The following ABTB3 variants were observed in gnomAD, a reference collection of about 807,000 sequenced individuals.
ABTB3 encodes ankyrin repeat- and BTB/POZ domain-containing protein 3.
the ABTB3 span, among the ~76,000 whole-genome samples, chr12:107,350,251 G>T: frequency 6.6e-6 from 1 of 152,076 alleles, no homozygotes; most frequent in African/African-American, 2.4e-5. Context: ...CAGATAAAAT[G>T]GTAAGAGTTC....
chr12:107,646,332 G>C, the ABTB3 span, among the ~76,000 whole-genome samples: 1 of 152,250 alleles, frequency 6.6e-6, no homozygotes, highest in African/African-American at 2.4e-5. Flanking sequence ...AGTCCACTAA[G>C]GAGCAGCGTT....
chr12:107,455,283 A>G, the ABTB3 span, among the ~76,000 whole-genome samples: 1 of 152,184 alleles, frequency 6.6e-6, no homozygotes. Flanking sequence ...TTCTAAAGAA[A>G]TACTTTAACA....
the ABTB3 span, among the ~76,000 whole-genome samples, chr12:107,464,203 A>T: frequency 7.3e-6 from 1 of 136,552 alleles, no homozygotes; most frequent in African/African-American, 2.8e-5. Context: ...GAAACATGTG[A>T]AGAGTGTGTG....
At chr12:107,482,558 A>T in the ABTB3 span, among the ~76,000 whole-genome samples, 4 of 152,164 alleles carry the variant, frequency 2.6e-5, no homozygotes, top group Admixed American at 1.3e-4. Flanking sequence ...AAAGCCATTT[A>T]CTGCCCTCTT....
the ABTB3 span, among the ~76,000 whole-genome samples, chr12:107,322,621 G>A: frequency 6.7e-6 from 1 of 149,060 alleles, no homozygotes; most frequent in Non-Finnish European, 1.5e-5. Flanking sequence ...TACAGTTGCC[G>A]AATTCTAGGG....
At chr12:107,526,588 C>T in the ABTB3 span, among the ~76,000 whole-genome samples, 1 of 152,084 alleles carries the variant, frequency 6.6e-6, no homozygotes, top group African/African-American at 2.4e-5. Context: ...CCCAGTTAAA[C>T]CCCCAGCTGA....
At chr12:107,544,680 C>G in the ABTB3 span, among the ~76,000 whole-genome samples, 1 of 152,276 alleles carries the variant, frequency 6.6e-6, no homozygotes, top group African/African-American at 2.4e-5. Context: ...GTCTGCCTCC[C>G]CACTTCCTTT....
chr12:107,363,434 T>C, the ABTB3 span, among the ~76,000 whole-genome samples: 88 of 152,350 alleles, frequency 5.8e-4, no homozygotes, highest in Middle Eastern at 3.4e-3. Context: ...ACAATGAATC[T>C]GTTAAAGAAA....
the ABTB3 span, among the ~76,000 whole-genome samples, chr12:107,518,753 AT>A: frequency 6.6e-6 from 1 of 152,190 alleles, no homozygotes; most frequent in Non-Finnish European, 1.5e-5. Context: ...AAGTATAATA[AT>A]AAAAAATAAA....
chr12:107,617,517 T>C, the ABTB3 span: 4 of 1,541,876 alleles, frequency 2.6e-6, no homozygotes, highest in Non-Finnish European at 3.5e-6. Flanking sequence ...CCCAGACCCA[T>C]TGTCTCTCTG....
the ABTB3 span, among the ~76,000 whole-genome samples, chr12:107,542,364 G>T: frequency 4.6e-5 from 7 of 151,112 alleles, no homozygotes; most frequent in African/African-American, 1.5e-4. Flanking sequence ...GTCTCCCAAA[G>T]TACGCAACAT....
the ABTB3 span, among the ~76,000 whole-genome samples, chr12:107,502,688 C>T: frequency 6.6e-6 from 1 of 152,118 alleles, no homozygotes; most frequent in Non-Finnish European, 1.5e-5. Flanking sequence ...GCATTACCAC[C>T]TGAGTGCCGC....
At chr12:107,541,431 C>A in the ABTB3 span, among the ~76,000 whole-genome samples, 1 of 151,390 alleles carries the variant, frequency 6.6e-6, no homozygotes, top group Non-Finnish European at 1.5e-5. Context: ...AACAGGATTT[C>A]TCTCTCTCTC....
chr12:107,421,438 T>C, the ABTB3 span, among the ~76,000 whole-genome samples: 222 of 152,308 alleles, frequency 1.5e-3, 1 homozygote, highest in African/African-American at 5.2e-3. Context: ...GAGCACCCGC[T>C]CTGTGCCTCT....
chr12:107,555,906 G>T, the ABTB3 span, among the ~76,000 whole-genome samples: 23 of 152,030 alleles, frequency 1.5e-4, no homozygotes, highest in Non-Finnish European at 2.9e-5. Context: ...TAGAGACCAG[G>T]GACCAACTCA....
chr12:107,402,573 G>A, the ABTB3 span, among the ~76,000 whole-genome samples: 4 of 152,152 alleles, frequency 2.6e-5, no homozygotes, highest in Non-Finnish European at 5.9e-5. Flanking sequence ...ATGGCTTCCT[G>A]GGGCTTTTTG....
chr12:107,340,727 G>A, the ABTB3 span, among the ~76,000 whole-genome samples: 2 of 152,086 alleles, frequency 1.3e-5, no homozygotes, highest in African/African-American at 4.8e-5. Context: ...CACCAGGCAG[G>A]AACAAACAAA....
the ABTB3 span, among the ~76,000 whole-genome samples, chr12:107,568,366 AT>A: frequency 7.4e-6 from 1 of 135,152 alleles, no homozygotes; most frequent in Non-Finnish European, 1.7e-5. Flanking sequence ...GATCATGATA[AT>A]GGAAAGACAA....
At chr12:107,549,171 G>C in the ABTB3 span, among the ~76,000 whole-genome samples, 2 of 152,216 alleles carry the variant, frequency 1.3e-5, no homozygotes, top group Non-Finnish European at 2.9e-5. Context: ...CCAACTGTTT[G>C]AGGAAAACTA....
Sources: gnomAD v4.1 joint callset for allele counts (sites outside exome capture counted in the v4.1 genomes callset) on GRCh38, gnomAD v4.1.1 for gene constraint, MANE v1.5 for transcripts, NCBI Gene and HGNC (gene_info 2026-07-23, HGNC 2026-07-21) for gene names.